Variants in GAGE12J observed in about 807,000 individuals in gnomAD.
GAGE12J encodes the protein G antigen 11.
GAGE12J carries 5 observed loss-of-function variants against 8.5 expected under a neutral mutation model. That is an observed-to-expected ratio of 0.59 (90% confidence interval 0.31 to 1.24). GAGE12J has a LOEUF of 1.24. Among genes scored for constraint, GAGE12J ranks in the 50% most tolerant of loss-of-function variants. GAGE12J has a pLI of 0.06. For missense variants in GAGE12J, 26 were observed against 63.0 expected, an observed-to-expected ratio of 0.41 and a Z score of 1.99; for synonymous variants, 10 against 19.2, an observed-to-expected ratio of 0.52 and a Z score of 1.25.
In GAGE12J at chrX:49,328,092, C is replaced by G. The variant is rs1477810154; in HGVS notation, c.332-1179C>G. 8.3e-5 allele frequency among the ~76,000 whole-genome samples: 6 copies of G among 72,020 alleles called. 2 individuals are homozygous for G. The South Asian group carries it at 5.4e-3, about 64-fold the overall frequency. The allele number at this position is 72,020 out of a possible 115,157, so 62.5% of individuals were successfully genotyped here. On this transcript the variant is annotated intron_variant, in intron 4 of 4. Coordinates refer to ENST00000442437, the MANE Select transcript of GAGE12J (RefSeq NM_001098406.4). Reference sequence around the variant, plus strand: ...TAATGAACAATTGCTTCTTTTTTTTCTTTTATTTATTTATTTATTTATTTA... The same window carrying G: ...TAATGAACAATTGCTTCTTTTTTTTGTTTTATTTATTTATTTATTTATTTA...
intron 4 of GAGE12J, among the ~76,000 whole-genome samples, chrX:49,328,116 T>C (rs2066451173): frequency 2.2e-3 from 160 of 74,003 alleles, no homozygotes; most frequent in African/African-American, 5.3e-3. Context: ...TTTATTTATT[T>C]ATTGTTATAC....
At chrX:49,328,201 C>T (rs1557126884) in intron 4 of GAGE12J, among the ~76,000 whole-genome samples, 1 of 74,070 alleles carries the variant, frequency 1.4e-5, no homozygotes, top group African/African-American at 3.5e-5. Flanking sequence ...TGTTGCACTG[C>T]ACCCACTATC....
Position 49,322,431 on chromosome X carries a change from C to G in GAGE12J, c.-9+287C>G, listed in dbSNP as rs1419207000. ...TGGAAGTCCCGAGGTGCCGGGAACC[C>G]CCGACGACACAGGGCAGATTCCCTG... On this transcript the variant is annotated intron_variant, in intron 1 of 4. Transcript: ENST00000442437. Among the ~76,000 whole-genome samples, 6 of 108,868 alleles carry G rather than the reference C, an allele frequency of 5.5e-5. No individual in the cohort carries two copies. The Admixed American group carries it at 5.8e-4, about 10-fold the overall frequency. 94.5% of individuals were successfully genotyped at this position (108,868 alleles called of 115,157 possible). A position where few individuals can be genotyped will look rare whatever the true frequency, so the allele number is the denominator to read the frequency against.
rs782226649 is a variant in GAGE12J at position 49,323,169 on chromosome X, C to T, written c.-8-17C>T. 1.9e-5 allele frequency: 21 copies of T among 1,103,395 alleles called. No homozygotes were observed. The Admixed American group carries it at 2.9e-4, about 15-fold the overall frequency. 90.9% of individuals were successfully genotyped at this position (1,103,395 alleles called of 1,213,427 possible). The stretch of plus-strand genomic sequence containing the variant: ...CCTGTGGAGCGCACGTTCCCAATCA[C>T]GGTTGTCTGTTTTCAGTGTGAAATA... On this transcript the variant is annotated splice_polypyrimidine_tract_variant and intron_variant, in intron 1 of 4. Coordinates refer to ENST00000442437, the MANE Select transcript of GAGE12J (RefSeq NM_001098406.4).
In GAGE12J at chrX:49,328,018, G is replaced by A. The variant is rs2066450596; in HGVS notation, c.331+1203G>A. Among the ~76,000 whole-genome samples the A allele has an allele frequency of 3.6e-5, 2 of 55,665 alleles. 1 individual carries two copies. The highest frequency in any genetic ancestry group is 1.0e-4 in the Non-Finnish European group (2 of 19,794). The allele number at this position is 55,665 out of a possible 115,157, so 48.3% of individuals were successfully genotyped here. The stretch of plus-strand genomic sequence containing the variant: ...ACTACATTTTTTTGTTTTCATTTTT[G>A]TAGAGATGAGGTCTCACTGTGTTGC... On this transcript the variant is annotated intron_variant, in intron 4 of 4. Transcript: ENST00000442437.
chrX:49,322,400 G>A (rs1159218714), intron 1 of GAGE12J, among the ~76,000 whole-genome samples: 2 of 109,044 alleles, frequency 1.8e-5, no homozygotes, highest in African/African-American at 6.5e-5. Context: ...AGTGCTGTTG[G>A]GGGGATGGAA....
rs4415449 is a variant in GAGE12J, at chrX:49,322,980, T to C, written c.-8-206T>C. Among the ~76,000 whole-genome samples, 322 of 107,036 alleles carry C rather than the reference T, an allele frequency of 3.0e-3. 6 individuals are homozygous for C. Among genetic ancestry groups the C allele is most frequent in the African/African-American group, 9.4e-3 (279 of 29,654 alleles). The allele number at this position is 107,036 out of a possible 115,157, so 92.9% of individuals were successfully genotyped here. On this transcript the variant is annotated intron_variant, in intron 1 of 4. Coordinates refer to ENST00000442437, the MANE Select transcript of GAGE12J (RefSeq NM_001098406.4). ...AAAATGTCCTCTGCCTTTTGCCACA[T>C]GCCTTAAGATGATTGCTCTGCCAGC...
chrX:49,323,330 GT>G lies in GAGE12J; in HGVS notation c.84+54del, dbSNP rs1245720937. The G allele has an allele frequency of 3.9e-6, 4 of 1,035,813 alleles. No homozygotes were observed. The African/African-American group carries it at 7.3e-5, about 19-fold the overall frequency. 85.4% of individuals were successfully genotyped at this position (1,035,813 alleles called of 1,213,427 possible). ...TTTCTATTAGTAGAAATTAATTTTT[GT>G]GATAGCGTTGTTGCATTAGTGTGGA... On this transcript the variant is annotated intron_variant, in intron 2 of 4. Coordinates refer to ENST00000442437, the MANE Select transcript of GAGE12J (RefSeq NM_001098406.4).
At chrX:49,323,941 TGTG>T (rs2066434418) in intron 3 of GAGE12J, 78 bp downstream of exon 3, 3 of 806,840 alleles carry the variant, frequency 3.7e-6, no homozygotes, top group Non-Finnish European at 3.4e-6. Flanking sequence ...TGTGTGTGTG[TGTG>T]TGTGTGTGTG....
rs6520418 is a variant in GAGE12J at position 49,323,240 on chromosome X, C to T, written c.47C>T (p.Pro16Leu). The T allele has an allele frequency of 5.3e-6, 6 of 1,141,715 alleles. No homozygotes were observed. Among genetic ancestry groups the T allele is most frequent in the Admixed American group, 4.4e-5 (2 of 45,083 alleles). 94.1% of individuals were successfully genotyped at this position (1,141,715 alleles called of 1,213,427 possible). Residue 16 changes from proline (P) to leucine (L), a missense_variant, in exon 2 of 5, where the codon CCC (proline) becomes CTC (leucine). Physicochemically the swap from Pro to Leu is moderately conservative, Grantham distance 98. Coordinates refer to ENST00000442437, the MANE Select transcript of GAGE12J (RefSeq NM_001098406.4). ...RSTYYWPRPR[P>L]YVQPPEMIGP... ...ACCTATTATTGGCCTAGACCAAGACCCTATGTACAGCCTCCTGAAATGATT... is the reference window on the plus strand; with the variant it reads ...ACCTATTATTGGCCTAGACCAAGACTCTATGTACAGCCTCCTGAAATGATT...
intron 4 of GAGE12J, among the ~76,000 whole-genome samples, chrX:49,327,974 G>A (rs2066450442): frequency 1.8e-4 from 6 of 32,740 alleles, no homozygotes; most frequent in Admixed American, 5.0e-4. Flanking sequence ...GGAACTACAT[G>A]CACAAGCCAC....
At chrX:49,322,931 G>A (rs1183943278) in intron 1 of GAGE12J, among the ~76,000 whole-genome samples, 2 of 102,214 alleles carry the variant, frequency 2.0e-5, no homozygotes, top group Admixed American at 1.0e-4. Flanking sequence ...CAGCGAGACC[G>A]CGTGTCCAAA....
rs5906809 is a variant in GAGE12J, at chrX:49,322,464, C to T, written c.-9+320C>T. Among the ~76,000 whole-genome samples the T allele has an allele frequency of 6.4e-4, 68 of 107,008 alleles. 5 individuals are homozygous for T. Among genetic ancestry groups the T allele is most frequent in the Non-Finnish European group, 1.1e-3 (56 of 50,420 alleles). The allele number at this position is 107,008 out of a possible 115,157, so 92.9% of individuals were successfully genotyped here. On this transcript the variant is annotated intron_variant, in intron 1 of 4. Transcript: ENST00000442437. Reference sequence around the variant, plus strand: ...CACAGGGCAGATTCCCTGAATGGGGCCTCCGGCGGGGGCGAGGCGGGCGGT... The same window carrying T: ...CACAGGGCAGATTCCCTGAATGGGGTCTCCGGCGGGGGCGAGGCGGGCGGT...
In GAGE12J at chrX:49,323,274, G is replaced by A; in HGVS notation, c.81G>A (p.Met27Ile). 8.7e-7 allele frequency: 1 copy of A among 1,146,234 alleles called. No homozygotes were observed. Among genetic ancestry groups the A allele is most frequent in the South Asian group, 1.8e-5 (1 of 55,462 alleles). 94.5% of individuals were successfully genotyped at this position (1,146,234 alleles called of 1,213,427 possible). A position where few individuals can be genotyped will look rare whatever the true frequency, so the allele number is the denominator to read the frequency against. Residue 27 changes from methionine to isoleucine, a missense_variant, in exon 2 of 5, where the codon ATG becomes ATA. By Grantham distance (10) the Met-to-Ile change is conservative. Coordinates refer to ENST00000442437, the MANE Select transcript of GAGE12J (RefSeq NM_001098406.4). ...YVQPPEMIGP[M>I]RPEQFSDEVE... is the part of the protein sequence containing the mutation. ...AGCCTCCTGAAATGATTGGGCCTAT[G>A]CGGGTGAGTGCTTGAACGTTAATTC...
intron 1 of GAGE12J, among the ~76,000 whole-genome samples, chrX:49,322,383 T>C (rs2142396): frequency 0.016 from 1,208 of 76,688 alleles, 1 homozygote; most frequent in African/African-American, 0.049. Context: ...CAGGTGAAGA[T>C]GGGGTGAGTG....
At chrX:49,322,539 C>T (rs782412937) in intron 1 of GAGE12J, among the ~76,000 whole-genome samples, 6 of 97,927 alleles carry the variant, frequency 6.1e-5, no homozygotes, top group African/African-American at 2.0e-4. Flanking sequence ...GAGCGCCCCC[C>T]CCAGCGGTGT....
rs7064105 is a variant in GAGE12J, at chrX:49,323,232, A to T, written c.39A>T (p.Arg13Ser). Residue 13 changes from arginine to serine, a missense_variant, in exon 2 of 5, where the codon AGA (arginine) becomes AGT (serine). Around this residue, in one of 2 missense-constraint regions of GAGE12J, gnomAD observed 26 missense variants for 21.9 expected, o/e 1.19. Transcript: ENST00000442437. ...GAAGATCGACCTATTATTGGCCTAG[A>T]CCAAGACCCTATGTACAGCCTCCTG... ...WRGRSTYYWP[R>S]PRPYVQPPEM... 0.47 allele frequency: 487,528 copies of T among 1,042,747 alleles called. 99,762 individuals carry two copies. The highest frequency in any genetic ancestry group is 0.51 in the Non-Finnish European group (390,052 of 764,607). The allele number at this position is 1,042,747 out of a possible 1,213,427, so 85.9% of individuals were successfully genotyped here.
intron 2 of GAGE12J, 32 bp downstream of exon 2, chrX:49,323,309 T>A (rs1728587873): frequency 9.0e-7 from 1 of 1,111,716 alleles, no homozygotes; most frequent in Non-Finnish European, 1.2e-6. Context: ...CGATGTTTTC[T>A]ATTAGTAGAA....
chrX:49,322,536 C>G (rs1464362029), intron 1 of GAGE12J, among the ~76,000 whole-genome samples: 2 of 98,546 alleles, frequency 2.0e-5, no homozygotes, highest in Admixed American at 2.1e-4. Flanking sequence ...GGTGAGCGCC[C>G]CCCCCAGCGG....
Sources: allele counts gnomAD v4.1 joint callset (sites outside exome capture counted in the v4.1 genomes callset), GRCh38; gene constraint gnomAD v4.1.1; regional missense constraint gnomAD v4.1.1; transcripts MANE v1.5; gene names NCBI Gene and HGNC (gene_info 2026-07-23, HGNC 2026-07-21).